Variants in RTN4RL1 observed in about 807,000 individuals in gnomAD.
The protein encoded by RTN4RL1 is reticulon 4 receptor like 1.
A neutral mutation model predicts 25.6 loss-of-function variants in RTN4RL1; 7 were observed. That is an observed-to-expected ratio of 0.27 (90% confidence interval 0.16 to 0.51). The LOEUF is 0.51. Ranked by LOEUF, RTN4RL1 falls within the 20% of genes least tolerant of loss-of-function variation. The probability of loss-of-function intolerance (pLI) is 0.97; values close to 1 mark genes in which losing one functional copy is unlikely to be tolerated. For synonymous variants in RTN4RL1, 297 were observed against 288.2 expected, an observed-to-expected ratio of 1.03 and a Z score of -0.31; for missense variants, 500 against 615.6, an observed-to-expected ratio of 0.81 and a Z score of 1.99.
At chr17:1,961,983 GAAAGA>G (rs1567510466) in intron 1 of RTN4RL1, among the ~76,000 whole-genome samples, 2 of 142,960 alleles carry the variant, frequency 1.4e-5, no homozygotes, top group Non-Finnish European at 3.0e-5. Flanking sequence ...AGAAAAGAAA[GAAAGA>G]AAAGAAAAGC....
At chr17:2,007,574 G>A (rs2067008086) in intron 1 of RTN4RL1, among the ~76,000 whole-genome samples, 1 of 152,148 alleles carries the variant, frequency 6.6e-6, no homozygotes, top group Admixed American at 6.5e-5. Flanking sequence ...GATGCTGGCT[G>A]TGGCATGGTC....
At chr17:1,996,398 C>T (rs1276096257) in intron 1 of RTN4RL1, among the ~76,000 whole-genome samples, 21 of 148,880 alleles carry the variant, frequency 1.4e-4, no homozygotes, top group Non-Finnish European at 3.1e-4. Context: ...CCCTCCCCCC[C>T]GGCCCAAGGT....
At chr17:1,952,505 GCTA>G (rs1376786701) in intron 1 of RTN4RL1, among the ~76,000 whole-genome samples, 1 of 151,740 alleles carries the variant, frequency 6.6e-6, no homozygotes, top group Non-Finnish European at 1.5e-5. Context: ...ACCACGCCCG[GCTA>G]ATTTTTTCAT....
intron 1 of RTN4RL1, among the ~76,000 whole-genome samples, chr17:1,955,557 AAAT>A (rs992577249): frequency 1.4e-4 from 21 of 149,346 alleles, no homozygotes; most frequent in South Asian, 2.1e-4. Context: ...CCCTATCTCA[AAAT>A]AATAATAATA....
intron 1 of RTN4RL1, among the ~76,000 whole-genome samples, chr17:2,021,854 C>CT (rs869227846): frequency 0.047 from 4,118 of 88,310 alleles, 203 homozygotes; most frequent in East Asian, 0.27. Context: ...TGTGCCCGGT[C>CT]TTTTTTTTTT....
At chr17:1,977,551 C>T (rs2066847878) in intron 1 of RTN4RL1, among the ~76,000 whole-genome samples, 1 of 152,118 alleles carries the variant, frequency 6.6e-6, no homozygotes, top group Non-Finnish European at 1.5e-5. Flanking sequence ...CCTGGGGTGT[C>T]TGGGACCCAG....
chr17:2,002,186 G>C (rs1421561642), intron 1 of RTN4RL1, among the ~76,000 whole-genome samples: 3 of 151,878 alleles, frequency 2.0e-5, no homozygotes, highest in African/African-American at 7.3e-5. Flanking sequence ...ATTTCTGCAA[G>C]GACTGTCTTC....
intron 1 of RTN4RL1, among the ~76,000 whole-genome samples, chr17:1,977,135 C>T (rs955436432): frequency 3.3e-5 from 5 of 152,216 alleles, no homozygotes; most frequent in Non-Finnish European, 7.3e-5. Flanking sequence ...ATCCAGTTTC[C>T]TTTTAAAATA....
chr17:1,998,107 G>C lies in RTN4RL1; in HGVS notation c.13+26746C>G, dbSNP rs1160144246. On this transcript the variant is annotated intron_variant, in intron 1 of 1. Coordinates refer to ENST00000331238, the MANE Select transcript of RTN4RL1 (RefSeq NM_178568.4). This position sits in a 1 kb window ranked among gnomAD's most constrained non-coding sequence, Gnocchi z 4.9. ...GCCTCATTACCGAGGGAGAGCTGCC[G>C]GGGCTGGCAGGGGAGCCAGACGGCG... Among the ~76,000 whole-genome samples, 2 of 152,180 alleles carry C rather than the reference G, an allele frequency of 1.3e-5. No individual in the cohort carries two copies. Among genetic ancestry groups the C allele is most frequent in the Non-Finnish European group, 1.5e-5 (1 of 68,004 alleles).
chr17:1,988,417 A>G (rs555471594), intron 1 of RTN4RL1, among the ~76,000 whole-genome samples: 41 of 148,546 alleles, frequency 2.8e-4, no homozygotes, highest in Admixed American at 4.0e-4. Context: ...AAAAAAAAAA[A>G]AAAAGAAAAG....
rs558724525 is a variant in RTN4RL1, at chr17:1,939,127, C to T, written c.14-1319G>A. Among the ~76,000 whole-genome samples the T allele has an allele frequency of 1.0e-3, 158 of 151,880 alleles. 1 individual carries two copies. The highest frequency in any genetic ancestry group is 6.5e-3 in the South Asian group (31 of 4,802). On this transcript the variant is annotated intron_variant, in intron 1 of 1. Transcript: ENST00000331238. ...CAGCACTTTGGGAGGCCGAGGCGGG[C>T]GGATCACGAGGTCAGGAGATCGAGA... is the stretch of plus-strand genomic sequence containing the variant.
chr17:1,996,317 G>A (rs2066929215), intron 1 of RTN4RL1, among the ~76,000 whole-genome samples: 1 of 152,172 alleles, frequency 6.6e-6, no homozygotes, highest in Non-Finnish European at 1.5e-5. Context: ...AACTGGTAAA[G>A]ACAACAGACA....
At chr17:1,952,199 G>A (rs1017396095) in intron 1 of RTN4RL1, among the ~76,000 whole-genome samples, 25 of 152,130 alleles carry the variant, frequency 1.6e-4, no homozygotes, top group African/African-American at 5.8e-4. Flanking sequence ...CATCATGCAC[G>A]AATACCCCCA....
rs554505713 is a variant in RTN4RL1 at position 1,959,853 on chromosome 17, G to A, written c.14-22045C>T. Among the ~76,000 whole-genome samples the A allele has an allele frequency of 5.9e-5, 9 of 152,178 alleles. 1 individual carries two copies. The highest frequency in any genetic ancestry group is 2.1e-4 in the South Asian group (1 of 4,816). On this transcript the variant is annotated intron_variant, in intron 1 of 1. Coordinates refer to ENST00000331238, the MANE Select transcript of RTN4RL1 (RefSeq NM_178568.4). ...GCTGGGATTACAGGCGTGAGCCACC[G>A]CGCCCAGCCAGGCTCAGGTTTTAAA... is the stretch of plus-strand genomic sequence containing the variant.
chr17:1,975,683 A>C (rs1252412854), intron 1 of RTN4RL1, among the ~76,000 whole-genome samples: 1 of 152,078 alleles, frequency 6.6e-6, no homozygotes, highest in Admixed American at 6.6e-5. Flanking sequence ...GAAAAATAGA[A>C]AGCTTTGGTG....
intron 1 of RTN4RL1, among the ~76,000 whole-genome samples, chr17:2,005,298 C>T (rs1179279870): frequency 1.3e-5 from 2 of 152,220 alleles, no homozygotes; most frequent in Non-Finnish European, 2.9e-5. Flanking sequence ...TGAGCCACCA[C>T]ATCCGGCCAC....
intron 1 of RTN4RL1, among the ~76,000 whole-genome samples, chr17:1,941,097 C>T (rs1036077856): frequency 4.6e-5 from 7 of 152,196 alleles, no homozygotes; most frequent in African/African-American, 7.2e-5. Context: ...CAGGACTACC[C>T]GGTGTGCTGG....
At chr17:1,983,401 A>G (rs1005033324) in intron 1 of RTN4RL1, among the ~76,000 whole-genome samples, 8 of 152,160 alleles carry the variant, frequency 5.3e-5, no homozygotes, top group Admixed American at 6.5e-5. Context: ...GCGGGGGCCA[A>G]TTGACAGTGA....
At chr17:2,023,220 G>A (rs2067232128) in intron 1 of RTN4RL1, among the ~76,000 whole-genome samples, 1 of 152,200 alleles carries the variant, frequency 6.6e-6, no homozygotes, top group Non-Finnish European at 1.5e-5. Context: ...GCACGCTCCA[G>A]GCCCAAGTTT....
Sources: gnomAD v4.1 joint callset for allele counts (sites outside exome capture counted in the v4.1 genomes callset) on GRCh38, gnomAD v4.1.1 for gene constraint, Gnocchi (gnomAD v3.1) non-coding constraint, MANE v1.5 for transcripts, NCBI Gene and HGNC (gene_info 2026-07-23, HGNC 2026-07-21) for gene names.